LRRC75A: variants seen among roughly 807,000 people sequenced by gnomAD.
LRRC75A encodes the protein leucine-rich repeat-containing protein 75A.
Under a neutral mutation model 26.0 loss-of-function variants are expected in LRRC75A, and 12 were observed. The observed-to-expected ratio is 0.46, with a 90% CI of 0.30 to 0.75. The LOEUF is 0.75. Among genes scored for constraint, LRRC75A ranks in the 30% least tolerant of loss-of-function variants. LRRC75A has a pLI of 0.08. For synonymous variants in LRRC75A, 223 were observed against 219.3 expected, an observed-to-expected ratio of 1.02 and a Z score of -0.15; for missense variants, 410 against 486.6, an observed-to-expected ratio of 0.84 and a Z score of 1.48.
At chr17:16,458,576 C>T (rs1234012896) in intron 2 of LRRC75A, among the ~76,000 whole-genome samples, 4 of 152,178 alleles carry the variant, frequency 2.6e-5, no homozygotes, top group African/African-American at 9.6e-5. Context: ...AGTGATTCTC[C>T]TGCCTCAGCC....
At chr17:16,470,465 AAATT>A (rs1189700541) in intron 1 of LRRC75A, 2 of 152,260 alleles carry the variant, frequency 1.3e-5, no homozygotes, top group East Asian at 3.9e-4. Context: ...TACCAGAAGG[AAATT>A]AATTAGAGTC....
intron 1 of LRRC75A, among the ~76,000 whole-genome samples, chr17:16,482,643 T>C (rs929045677): frequency 3.3e-5 from 5 of 152,212 alleles, no homozygotes; most frequent in African/African-American, 1.2e-4. Context: ...AGCCAGTGTG[T>C]GCCGTGCCCT....
Position 16,442,712 on chromosome 17 carries a change from G to A in LRRC75A, c.*876C>T, listed in dbSNP as rs150938692. On this transcript the variant is annotated 3_prime_UTR_variant, in exon 4 of 4. Transcript: ENST00000470794. The stretch of plus-strand genomic sequence containing the variant: ...TGTTGGTGGATTACTTAAGAGTTAT[G>A]GGGAAAGAGTTCTTACGGCCTGTCT... 156 of 152,300 alleles carry A rather than the reference G, an allele frequency of 1.0e-3. 1 individual carries two copies. The highest frequency in any genetic ancestry group is 6.9e-3 in the Middle Eastern group (2 of 290). 9.4% of individuals were successfully genotyped at this position (152,300 alleles called of 1,614,324 possible). A position where few individuals can be genotyped will look rare whatever the true frequency, so the allele number is the denominator to read the frequency against.
intron 1 of LRRC75A, among the ~76,000 whole-genome samples, chr17:16,476,597 C>T (rs2093820190): frequency 6.6e-6 from 1 of 151,556 alleles, no homozygotes; most frequent in Admixed American, 6.6e-5. Context: ...CTGAATTTCA[C>T]TCTGTCACCC....
rs375386935 is a variant in LRRC75A, at chr17:16,455,350, T to C, written c.375+6908A>G. The stretch of plus-strand genomic sequence containing the variant: ...GGAGTGTCAGCCATGACCCTTATAA[T>C]GAGTGAGGGAAAAGTACCACACAGT... On this transcript the variant is annotated intron_variant, in intron 2 of 3. Coordinates refer to ENST00000470794, the MANE Select transcript of LRRC75A (RefSeq NM_001113567.3). Among the ~76,000 whole-genome samples, 960 of 151,368 alleles carry C rather than the reference T, an allele frequency of 6.3e-3. 9 individuals are homozygous for C. The highest frequency in any genetic ancestry group is 0.022 in the African/African-American group (917 of 41,178).
intron 1 of LRRC75A, among the ~76,000 whole-genome samples, chr17:16,474,910 G>A (rs547007197): frequency 9.7e-4 from 146 of 151,164 alleles, no homozygotes; most frequent in African/African-American, 3.2e-3. Flanking sequence ...GGAGAATGGC[G>A]TGAACCCAGG....
At chr17:16,447,501 T>C (rs878976329) in intron 3 of LRRC75A, among the ~76,000 whole-genome samples, 5 of 152,140 alleles carry the variant, frequency 3.3e-5, no homozygotes, top group Admixed American at 3.3e-4. Context: ...TTTCGCCACA[T>C]TGGTCAGGCT....
chr17:16,456,097 AGGG>A (rs2093675334), intron 2 of LRRC75A, among the ~76,000 whole-genome samples: 1 of 88,224 alleles, frequency 1.1e-5, no homozygotes. Flanking sequence ...AGGAGGAGGA[AGGG>A]GAGGGGGAGG....
intron 1 of LRRC75A, among the ~76,000 whole-genome samples, chr17:16,484,181 C>T (rs1044919444): frequency 6.6e-6 from 1 of 151,920 alleles, no homozygotes; most frequent in Non-Finnish European, 1.5e-5. Flanking sequence ...ACTAAAAATA[C>T]AAAAATTAGC....
At chr17:16,455,184 C>T (rs963912019) in intron 2 of LRRC75A, among the ~76,000 whole-genome samples, 31 of 152,144 alleles carry the variant, frequency 2.0e-4, no homozygotes, top group South Asian at 6.2e-4. Context: ...CCGCCTGCCT[C>T]GGCCTCCCAA....
At chr17:16,460,431 C>G (rs2093718905) in intron 2 of LRRC75A, among the ~76,000 whole-genome samples, 1 of 152,118 alleles carries the variant, frequency 6.6e-6, no homozygotes, top group South Asian at 2.1e-4. Context: ...TCACAGTGGC[C>G]CTTACCCACT....
intron 1 of LRRC75A, among the ~76,000 whole-genome samples, chr17:16,465,116 G>A (rs768641633): frequency 3.3e-5 from 5 of 152,172 alleles, no homozygotes; most frequent in African/African-American, 9.7e-5. Flanking sequence ...TTTTACACTC[G>A]GTCGAGCAGG....
chr17:16,472,601 G>A (rs1053080872), intron 1 of LRRC75A, among the ~76,000 whole-genome samples: 4 of 152,154 alleles, frequency 2.6e-5, no homozygotes, highest in Non-Finnish European at 5.9e-5. Context: ...CAAAGTGAGT[G>A]CTAATGCGCT....
At chr17:16,461,665 A>C (rs2093728480) in intron 2 of LRRC75A, among the ~76,000 whole-genome samples, 1 of 152,226 alleles carries the variant, frequency 6.6e-6, no homozygotes, top group South Asian at 2.1e-4. Flanking sequence ...AGAGGTGAAG[A>C]CATCTGGGAG....
chr17:16,465,467 G>C (rs1471463404), intron 1 of LRRC75A, among the ~76,000 whole-genome samples: 1 of 152,220 alleles, frequency 6.6e-6, no homozygotes, highest in African/African-American at 2.4e-5. Context: ...AGAGGTGAGA[G>C]GAACCAGCAG....
intron 3 of LRRC75A, 113 bp from the exon 4 acceptor site, chr17:16,444,244 A>C: frequency 1.1e-6 from 1 of 888,448 alleles, no homozygotes; most frequent in Non-Finnish European, 1.7e-6. Context: ...CTTTTACGAA[A>C]CACTTGGATG....
At chr17:16,482,647 G>A (rs892817645) in intron 1 of LRRC75A, among the ~76,000 whole-genome samples, 7 of 152,358 alleles carry the variant, frequency 4.6e-5, no homozygotes, top group African/African-American at 1.7e-4. Context: ...AGTGTGTGCC[G>A]TGCCCTGCAC....
At position 16,457,835 on chromosome 17, in the gene LRRC75A, A is replaced by G. The variant is rs539408433; in HGVS notation, c.375+4423T>C. On this transcript the variant is annotated intron_variant, in intron 2 of 3. Coordinates refer to ENST00000470794, the MANE Select transcript of LRRC75A (RefSeq NM_001113567.3). ...AAAAAAAACAAAAAATTAGCTAGGC[A>G]TGGTGGTGCCTGCCTGCAGTCCCAG... 1.6e-3 allele frequency among the ~76,000 whole-genome samples: 247 copies of G among 151,746 alleles called. 1 individual carries two copies. Among genetic ancestry groups the G allele is most frequent in the African/African-American group, 5.4e-3 (224 of 41,328 alleles).
chr17:16,465,234 T>TC (rs1245427820), intron 1 of LRRC75A, among the ~76,000 whole-genome samples: 3 of 152,160 alleles, frequency 2.0e-5, no homozygotes, highest in Non-Finnish European at 2.9e-5. Flanking sequence ...CCTAGTGGTC[T>TC]CCCCCTTACA....
Sources: gnomAD v4.1 joint callset for allele counts (sites outside exome capture counted in the v4.1 genomes callset) on GRCh38, gnomAD v4.1.1 for gene constraint, MANE v1.5 for transcripts, NCBI Gene and HGNC (gene_info 2026-07-23, HGNC 2026-07-21) for gene names.